The following USP43 variants were observed in gnomAD, a reference collection of about 807,000 sequenced individuals.
USP43 encodes the protein ubiquitin specific peptidase 43.
In USP43, 33 loss-of-function variants were observed where a neutral mutation model predicts 90.7. The observed-to-expected ratio is 0.36, with a 90% CI of 0.28 to 0.49. The LOEUF is 0.49. Ranked by LOEUF, USP43 falls within the 20% of genes least tolerant of loss-of-function variation. The pLI is 0.98. For synonymous variants in USP43, 598 were observed against 615.8 expected, an observed-to-expected ratio of 0.97 and a Z score of 0.43; for missense variants, 1,274 against 1,476.4, an observed-to-expected ratio of 0.86 and a Z score of 2.25.
chr17:9,673,245 G>A (rs1463286516), intron 3 of USP43, among the ~76,000 whole-genome samples: 1 of 152,118 alleles, frequency 6.6e-6, no homozygotes, highest in South Asian at 2.1e-4. Context: ...AGTGGCTCAC[G>A]CCTGTAATCC....
chr17:9,686,663 G>A lies in USP43; in HGVS notation c.1242-135G>A. ...TAAATGGGATTCTTTGGTTTTTTTT[G>A]CTGTTGAGTTTTTGTGCTTAGCTCT... is the stretch of plus-strand genomic sequence containing the variant. On this transcript the variant is annotated intron_variant, in intron 7 of 14. Coordinates refer to ENST00000285199, the MANE Select transcript of USP43 (RefSeq NM_153210.5). The surrounding 1 kb of genome is among the most constrained non-coding windows in gnomAD (Gnocchi z 5.5). 1.5e-6 allele frequency: 1 copy of A among 653,066 alleles called. No homozygotes were observed. Among genetic ancestry groups the A allele is most frequent in the South Asian group, 2.1e-5 (1 of 48,478 alleles). 40.5% of individuals were successfully genotyped at this position (653,066 alleles called of 1,614,324 possible).
chr17:9,657,020 C>T (rs1276800318), intron 2 of USP43, among the ~76,000 whole-genome samples: 1 of 152,150 alleles, frequency 6.6e-6, no homozygotes, highest in Non-Finnish European at 1.5e-5. Flanking sequence ...AACCCCAAAC[C>T]TTTCAGAGGA....
chr17:9,703,636 G>A (rs1465280932), intron 12 of USP43, among the ~76,000 whole-genome samples: 1 of 152,188 alleles, frequency 6.6e-6, no homozygotes, highest in East Asian at 1.9e-4. Flanking sequence ...GGGGACTGGC[G>A]AGGCGGTAGG....
Position 9,710,117 on chromosome 17 carries a change from A to G in USP43, c.2170+3A>G. The G allele has an allele frequency of 6.7e-7, 1 of 1,499,786 alleles. No individual in the cohort carries two copies. Among genetic ancestry groups the G allele is most frequent in the Non-Finnish European group, 8.9e-7 (1 of 1,123,530 alleles). The allele number at this position is 1,499,786 out of a possible 1,614,324, so 92.9% of individuals were successfully genotyped here. On this transcript the variant is annotated splice_donor_region_variant and intron_variant, in intron 13 of 14. Coordinates refer to ENST00000285199, the MANE Select transcript of USP43 (RefSeq NM_153210.5). ...GTCAGCCAGCAGCTCCATGAGAGGT[A>G]GGTGCTGCTGCTCATGACAGGAGGG... is the stretch of plus-strand genomic sequence containing the variant.
At chr17:9,687,826 T>C (rs1423365187) in intron 8 of USP43, among the ~76,000 whole-genome samples, 4 of 152,198 alleles carry the variant, frequency 2.6e-5, no homozygotes, top group Non-Finnish European at 4.4e-5. Flanking sequence ...CCAACTTTTA[T>C]CTCTAAAGGA....
Position 9,701,662 on chromosome 17 carries a change from G to A in USP43, c.1973G>A (p.Cys658Tyr). Reference sequence around the variant, plus strand: ...TTCCTGTACGACCTGTATGCCGTCTGCAACCACCATGGCAACCTGCAAGGT... The same window carrying A: ...TTCCTGTACGACCTGTATGCCGTCTACAACCACCATGGCAACCTGCAAGGT... ...LDFLYDLYAV[C>Y]NHHGNLQGGH... The change falls in exon 12 of 15, where the codon TGC (cysteine) becomes TAC (tyrosine). Residue 658 changes from cysteine to tyrosine, a missense_variant. Around this residue, in one of 6 missense-constraint regions of USP43, gnomAD observed 285 missense variants for 349.6 expected, o/e 0.82. Transcript: ENST00000285199. This position sits in a 1 kb window ranked among gnomAD's most constrained non-coding sequence, Gnocchi z 7.2. 1 of 1,583,270 alleles carries A rather than the reference G, an allele frequency of 6.3e-7. No homozygotes were observed. Among genetic ancestry groups the A allele is most frequent in the South Asian group, 1.2e-5 (1 of 86,142 alleles).
chr17:9,680,792 G>C (rs1875134172), intron 6 of USP43, among the ~76,000 whole-genome samples: 1 of 151,916 alleles, frequency 6.6e-6, no homozygotes, highest in African/African-American at 2.4e-5. Flanking sequence ...GTCAAGATTT[G>C]TGTGTGAAGT....
chr17:9,649,207 T>G (rs1002567440), intron 1 of USP43, among the ~76,000 whole-genome samples: 1 of 152,048 alleles, frequency 6.6e-6, no homozygotes, highest in Admixed American at 6.5e-5. Flanking sequence ...CTCAGGAGGC[T>G]GAGACAGGCG....
intron 14 of USP43, among the ~76,000 whole-genome samples, chr17:9,716,143 T>C (rs1916557341): frequency 1.3e-5 from 2 of 152,136 alleles, no homozygotes; most frequent in Non-Finnish European, 2.9e-5. Context: ...TTAGCCTTTG[T>C]GTTCCTTCAG....
chr17:9,675,116 T>C (rs1913682634), intron 4 of USP43, 133 bp downstream of exon 4: 1 of 758,400 alleles, frequency 1.3e-6, no homozygotes, highest in Non-Finnish European at 2.3e-6. Flanking sequence ...ACCAGCCTTA[T>C]AGCTGGATGA....
chr17:9,668,459 C>T (rs1194757038), intron 3 of USP43, among the ~76,000 whole-genome samples: 5 of 152,226 alleles, frequency 3.3e-5, no homozygotes, highest in African/African-American at 7.2e-5. Flanking sequence ...GATATAATTA[C>T]TGTCTTTAGA....
chr17:9,653,059 C>T (rs1911986344), intron 1 of USP43, among the ~76,000 whole-genome samples: 1 of 152,160 alleles, frequency 6.6e-6, no homozygotes, highest in Admixed American at 6.5e-5. Flanking sequence ...TTGATATATA[C>T]AGACATCTCT....
intron 13 of USP43, among the ~76,000 whole-genome samples, chr17:9,710,500 CTTTTTTT>C (rs753636549): frequency 3.5e-5 from 3 of 86,038 alleles, no homozygotes; most frequent in Admixed American, 1.4e-4. Context: ...GGAAAGGTAG[CTTTTTTT>C]TTTTTTTTTT....
chr17:9,680,654 G>T (rs1914105376), intron 6 of USP43, among the ~76,000 whole-genome samples: 1 of 152,050 alleles, frequency 6.6e-6, no homozygotes. Context: ...CCTGGGGTGG[G>T]GCCTAAGAGT....
chr17:9,682,832 T>C lies in USP43; in HGVS notation c.1115T>C (p.Leu372Pro), dbSNP rs61761589. The change falls in exon 7 of 15, where the codon CTG becomes CCG. Residue 372 changes from leucine to proline, a missense_variant. Transcript: ENST00000285199. The stretch of plus-strand genomic sequence containing the variant: ...ATTCTCTCCCTTCTAGCTCATCCAC[T>C]GGGTCTGTCGGCCTCCCCACGCCTG... ...PSQGTLSAHPLGLSASPRLAA... is the reference protein window; with the variant it reads ...PSQGTLSAHPPGLSASPRLAA... 46 of 1,613,882 alleles carry C rather than the reference T, an allele frequency of 2.9e-5. No individual in the cohort carries two copies. In the African/African-American group the frequency reaches 5.7e-4, roughly 20 times the overall value.
chr17:9,679,064 GTTA>G (rs1913985546), intron 5 of USP43, among the ~76,000 whole-genome samples: 1 of 151,996 alleles, frequency 6.6e-6, no homozygotes, highest in South Asian at 2.1e-4. Context: ...AGTAATAATA[GTTA>G]TTATTTTAGC....
chr17:9,727,088 T>C (rs1033887447), intron 14 of USP43, among the ~76,000 whole-genome samples: 2 of 152,122 alleles, frequency 1.3e-5, no homozygotes, highest in Non-Finnish European at 2.9e-5. Flanking sequence ...TTCTCCTGCC[T>C]CAGCCTCCTG....
chr17:9,657,560 A>G (rs1912350553), intron 2 of USP43, among the ~76,000 whole-genome samples: 2 of 152,154 alleles, frequency 1.3e-5, no homozygotes. Context: ...TATAAGGGAA[A>G]GAGATTTAAT....
chr17:9,666,177 G>A (rs923217871), intron 2 of USP43, among the ~76,000 whole-genome samples: 4 of 152,194 alleles, frequency 2.6e-5, no homozygotes, highest in Admixed American at 1.3e-4. Context: ...GCCTGCAAAA[G>A]AGAATACTCA....
Sources: gnomAD v4.1 joint callset for allele counts (sites outside exome capture counted in the v4.1 genomes callset) on GRCh38, gnomAD v4.1.1 for gene constraint, gnomAD v4.1.1 regional missense constraint, Gnocchi (gnomAD v3.1) non-coding constraint, MANE v1.5 for transcripts, NCBI Gene and HGNC (gene_info 2026-07-23, HGNC 2026-07-21) for gene names.